The following SLC35F4 variants were observed in gnomAD, a reference collection of about 807,000 sequenced individuals.
The protein encoded by SLC35F4 is chromosome 14 open reading frame 36.
A neutral mutation model predicts 44.2 loss-of-function variants in SLC35F4; 24 were observed. The ratio of observed to expected loss-of-function variants is 0.54; its 90% CI spans 0.39 to 0.76. The LOEUF is 0.76. Ranked by LOEUF, SLC35F4 falls within the 30% of genes least tolerant of loss-of-function variation. The probability of loss-of-function intolerance (pLI) is 0.00; values close to 1 mark genes in which losing one functional copy is unlikely to be tolerated. For synonymous variants in SLC35F4, 238 were observed against 223.6 expected, an observed-to-expected ratio of 1.06 and a Z score of -0.57; for missense variants, 562 against 586.1, an observed-to-expected ratio of 0.96 and a Z score of 0.42.
intron 1 of SLC35F4, among the ~76,000 whole-genome samples, chr14:57,691,311 C>T (rs1298671894): frequency 6.6e-6 from 1 of 152,100 alleles, no homozygotes; most frequent in Admixed American, 6.6e-5. Context: ...TGGACTGAAA[C>T]CTAACTTCTT....
At chr14:57,871,381 G>A (rs938343643) in intron 1 of SLC35F4, among the ~76,000 whole-genome samples, 3 of 152,030 alleles carry the variant, frequency 2.0e-5, no homozygotes, top group Non-Finnish European at 4.4e-5. Flanking sequence ...TGAGGAATAG[G>A]GACTCAGAGT....
intron 3 of SLC35F4, 108 bp from the exon 4 acceptor site, chr14:57,581,541 A>C: frequency 1.1e-6 from 1 of 948,762 alleles, no homozygotes; most frequent in Admixed American, 2.6e-5. Context: ...CTCAATACCC[A>C]TCCTTCATTG....
intron 1 of SLC35F4, among the ~76,000 whole-genome samples, chr14:57,852,884 C>T (rs1023410292): frequency 1.3e-5 from 2 of 152,206 alleles, no homozygotes; most frequent in Non-Finnish European, 2.9e-5. Context: ...CTCTGCTTCA[C>T]AAGGCATAAA....
intron 1 of SLC35F4, among the ~76,000 whole-genome samples, chr14:57,672,166 A>G (rs939520481): frequency 3.3e-5 from 5 of 152,076 alleles, no homozygotes; most frequent in Non-Finnish European, 7.3e-5. Flanking sequence ...TCACCTCATG[A>G]TCACTCGCAG....
intron 1 of SLC35F4, among the ~76,000 whole-genome samples, chr14:57,619,716 C>A (rs1025481603): frequency 1.3e-5 from 2 of 152,050 alleles, no homozygotes; most frequent in Non-Finnish European, 2.9e-5. Context: ...AAGTAGGCTT[C>A]AGAAGGTGGG....
intron 1 of SLC35F4, among the ~76,000 whole-genome samples, chr14:57,746,372 G>T (rs915861718): frequency 2.6e-5 from 4 of 152,048 alleles, no homozygotes; most frequent in African/African-American, 9.7e-5. Context: ...ATAAATAGTG[G>T]TTGAATTTTG....
At chr14:57,638,382 G>C (rs180737888) in intron 1 of SLC35F4, among the ~76,000 whole-genome samples, 14 of 152,254 alleles carry the variant, frequency 9.2e-5, no homozygotes, top group Admixed American at 6.5e-4. Context: ...CAGCCCCAGA[G>C]TGAACATGGG....
At chr14:57,808,654 C>A (rs1000890095) in intron 1 of SLC35F4, among the ~76,000 whole-genome samples, 14 of 149,446 alleles carry the variant, frequency 9.4e-5, no homozygotes, top group African/African-American at 3.3e-4. Context: ...AATTAAAAAA[C>A]CATTTTCTGG....
chr14:57,582,400 C>G (rs374347693), intron 3 of SLC35F4, among the ~76,000 whole-genome samples: 3 of 152,214 alleles, frequency 2.0e-5, no homozygotes, highest in East Asian at 3.9e-4. Flanking sequence ...CAGGATTTCA[C>G]TCTGTTGCCT....
At chr14:57,752,163 G>C (rs928934819) in intron 1 of SLC35F4, among the ~76,000 whole-genome samples, 39 of 152,306 alleles carry the variant, frequency 2.6e-4, no homozygotes, top group African/African-American at 9.4e-4. Flanking sequence ...AAGTTTGTTA[G>C]GAGGAGCAGG....
intron 1 of SLC35F4, among the ~76,000 whole-genome samples, chr14:57,654,426 T>G (rs566213319): frequency 1.6e-4 from 24 of 152,338 alleles, no homozygotes; most frequent in African/African-American, 5.8e-4. Context: ...ATTATTTCAC[T>G]CTTTTTTATG....
chr14:57,568,668 T>C (rs12589209), intron 6 of SLC35F4, among the ~76,000 whole-genome samples: 2 of 152,250 alleles, frequency 1.3e-5, no homozygotes, highest in South Asian at 2.1e-4. Context: ...ACCCAATCAA[T>C]ACTCTTGCAG....
intron 1 of SLC35F4, among the ~76,000 whole-genome samples, chr14:57,783,615 G>C (rs552970182): frequency 5.0e-4 from 76 of 152,246 alleles, no homozygotes; most frequent in African/African-American, 1.8e-3. Flanking sequence ...ACAAGGCCTG[G>C]ACAATAAGAA....
intron 1 of SLC35F4, among the ~76,000 whole-genome samples, chr14:57,891,274 G>A (rs1888758343): frequency 6.6e-6 from 1 of 152,082 alleles, no homozygotes; most frequent in Non-Finnish European, 1.5e-5. Context: ...ATTTCATTAA[G>A]CATCTACTCG....
intron 1 of SLC35F4, among the ~76,000 whole-genome samples, chr14:57,795,491 T>C (rs1346624108): frequency 6.6e-6 from 1 of 152,192 alleles, no homozygotes; most frequent in African/African-American, 2.4e-5. Context: ...ACTTTACATA[T>C]TCAAATCATT....
intron 1 of SLC35F4, among the ~76,000 whole-genome samples, chr14:57,675,663 C>T (rs2074669414): frequency 6.6e-6 from 1 of 151,960 alleles, no homozygotes; most frequent in Non-Finnish European, 1.5e-5. Flanking sequence ...TCATATATTG[C>T]TTTTATTACT....
At chr14:57,620,800 T>C (rs1298283744) in intron 1 of SLC35F4, among the ~76,000 whole-genome samples, 1 of 152,176 alleles carries the variant, frequency 6.6e-6, no homozygotes, top group African/African-American at 2.4e-5. Context: ...CAACATAGTG[T>C]TGGAAGTTCT....
chr14:57,655,445 C>T (rs528795683), intron 1 of SLC35F4, among the ~76,000 whole-genome samples: 2 of 152,194 alleles, frequency 1.3e-5, no homozygotes, highest in East Asian at 1.9e-4. Context: ...TAAGTTCGGG[C>T]TTCCCTGTCC....
intron 1 of SLC35F4, among the ~76,000 whole-genome samples, chr14:57,937,942 T>C (rs529252411): frequency 3.9e-5 from 6 of 152,204 alleles, no homozygotes; most frequent in Non-Finnish European, 7.3e-5. Context: ...TTTCTACTTC[T>C]GATCCTTTTC....
Sources: gnomAD v4.1 joint callset for allele counts (sites outside exome capture counted in the v4.1 genomes callset) on GRCh38, gnomAD v4.1.1 for gene constraint, MANE v1.5 for transcripts, NCBI Gene and HGNC (gene_info 2026-07-23, HGNC 2026-07-21) for gene names.